Variants in GPR149 observed in about 807,000 individuals in gnomAD.
The protein encoded by GPR149 is G protein-coupled receptor 149.
Under a neutral mutation model 50.2 loss-of-function variants are expected in GPR149, and 50 were observed. The observed-to-expected ratio is 1.00, with a 90% confidence interval of 0.79 to 1.26. GPR149 has a LOEUF of 1.26. Among genes scored for constraint, GPR149 ranks in the 50% most tolerant of loss-of-function variants. GPR149 has a pLI of 0.00. For synonymous variants in GPR149, 405 were observed against 358.2 expected (o/e 1.13, Z -1.48); for missense variants, 983 against 895.4 (o/e 1.10, Z -1.25).
intron 3 of GPR149, among the ~76,000 whole-genome samples, chr3:154,356,843 T>C (rs1714241510): frequency 6.6e-6 from 1 of 152,112 alleles, no homozygotes; most frequent in African/African-American, 2.4e-5. Context: ...TTAAAGTTCA[T>C]ATGGAACCAA....
Position 154,338,221 on chromosome 3 carries a change from C to A in GPR149, c.1674G>T (p.Val558=). 1.2e-6 allele frequency: 2 copies of A among 1,611,700 alleles called. No homozygotes were observed. Among genetic ancestry groups the A allele is most frequent in the Non-Finnish European group, 1.7e-6 (2 of 1,179,062 alleles). ...TTTTCCCTGTAGGTGCATGGAGAGA[C>A]ACAGTCCCCTGGAATGCACACAAGG... The part of the protein sequence containing the change: ...AIPLCAFQGT[V]SLHAPTGKTL... The change falls in exon 4 of 4, where the codon GTG becomes GTT. Residue 558 remains valine, a synonymous_variant. Transcript: ENST00000389740.
chr3:154,351,211 C>T (rs1398018538), intron 3 of GPR149, among the ~76,000 whole-genome samples: 1 of 146,598 alleles, frequency 6.8e-6, no homozygotes, highest in Non-Finnish European at 1.5e-5. Context: ...TAGACTCACT[C>T]AAATATACCC....
chr3:154,375,093 T>C (rs1262825772), intron 3 of GPR149, among the ~76,000 whole-genome samples: 2 of 152,352 alleles, frequency 1.3e-5, no homozygotes, highest in Middle Eastern at 3.4e-3. Context: ...AGCCACTTTT[T>C]AATATCACTT....
chr3:154,403,847 C>G (rs1334661789), intron 3 of GPR149, among the ~76,000 whole-genome samples: 1 of 151,942 alleles, frequency 6.6e-6, no homozygotes, highest in Non-Finnish European at 1.5e-5. Context: ...TCCAATAGAA[C>G]TGCAAGATGG....
At chr3:154,340,087 C>T (rs927119717) in intron 3 of GPR149, among the ~76,000 whole-genome samples, 22 of 151,998 alleles carry the variant, frequency 1.4e-4, no homozygotes, top group Admixed American at 5.9e-4. Context: ...CCACCGTGCC[C>T]GGCCCACGCT....
intron 3 of GPR149, among the ~76,000 whole-genome samples, chr3:154,343,510 C>T (rs1191529676): frequency 6.6e-6 from 1 of 152,016 alleles, no homozygotes; most frequent in Non-Finnish European, 1.5e-5. Flanking sequence ...TTAGCCTCAG[C>T]GTTCATCATC....
chr3:154,369,859 C>T (rs941863945), intron 3 of GPR149, among the ~76,000 whole-genome samples: 85 of 152,164 alleles, frequency 5.6e-4, no homozygotes, highest in African/African-American at 1.9e-3. Context: ...AGCTGTAGCC[C>T]GGCAATTTGG....
intron 3 of GPR149, among the ~76,000 whole-genome samples, chr3:154,343,494 T>C (rs956699775): frequency 6.6e-5 from 10 of 152,128 alleles, no homozygotes; most frequent in African/African-American, 2.2e-4. Flanking sequence ...TGCTGGATGC[T>C]GGTAGTTAGC....
At chr3:154,408,432 T>G (rs1559987655) in intron 3 of GPR149, among the ~76,000 whole-genome samples, 1 of 152,148 alleles carries the variant, frequency 6.6e-6, no homozygotes, top group South Asian at 2.1e-4. Flanking sequence ...TGAGGCAAGT[T>G]CTCAGCCTGG....
At chr3:154,356,999 A>G (rs961421606) in intron 3 of GPR149, among the ~76,000 whole-genome samples, 1 of 152,212 alleles carries the variant, frequency 6.6e-6, no homozygotes, top group African/African-American at 2.4e-5. Context: ...GACCAATGGA[A>G]CAGAACAGAG....
chr3:154,395,219 A>C (rs982693169), intron 3 of GPR149, among the ~76,000 whole-genome samples: 2 of 151,986 alleles, frequency 1.3e-5, no homozygotes, highest in Non-Finnish European at 2.9e-5. Flanking sequence ...AGAAGAACTG[A>C]CTTATTCTTA....
At chr3:154,363,598 G>C (rs1714464473) in intron 3 of GPR149, among the ~76,000 whole-genome samples, 1 of 152,058 alleles carries the variant, frequency 6.6e-6, no homozygotes, top group Non-Finnish European at 1.5e-5. Flanking sequence ...GGCAGACAGG[G>C]ACAAGTCCCC....
chr3:154,405,863 C>A (rs1229640946), intron 3 of GPR149, among the ~76,000 whole-genome samples: 1 of 151,480 alleles, frequency 6.6e-6, no homozygotes, highest in Non-Finnish European at 1.5e-5. Context: ...CCATTTTAAA[C>A]TGGATTTCTA....
intron 3 of GPR149, among the ~76,000 whole-genome samples, chr3:154,394,199 A>G (rs1343501595): frequency 6.6e-6 from 1 of 152,114 alleles, no homozygotes; most frequent in African/African-American, 2.4e-5. Context: ...ACGATATAGT[A>G]CTGGCATAAA....
At chr3:154,365,172 T>C (rs558254685) in intron 3 of GPR149, among the ~76,000 whole-genome samples, 2 of 152,310 alleles carry the variant, frequency 1.3e-5, no homozygotes, top group Admixed American at 1.3e-4. Context: ...ACCACTTCAA[T>C]GATGAATGTT....
At position 154,428,927 on chromosome 3, in the gene GPR149, T is replaced by C. The variant is rs772667319; in HGVS notation, c.689A>G (p.Gln230Arg). The stretch of plus-strand genomic sequence containing the variant: ...AATTGAAGCTCCACGGGAAATTTCC[T>C]GGTAGTTGGAGTGGAGTCTCGGCGG... ...EEPPRLHSNY[Q>R]EISRGASIPG... is the part of the protein sequence containing the mutation. Residue 230 changes from glutamine (Q) to arginine (R), a missense_variant, in exon 1 of 4, where the codon CAG (glutamine) becomes CGG (arginine). By Grantham distance (43) the Gln-to-Arg change is conservative (BLOSUM62 1). Coordinates refer to ENST00000389740, the MANE Select transcript of GPR149 (RefSeq NM_001038705.3). 6.2e-7 allele frequency: 1 copy of C among 1,614,016 alleles called. No homozygotes were observed. Among genetic ancestry groups the C allele is most frequent in the South Asian group, 1.1e-5 (1 of 91,064 alleles).
At chr3:154,339,264 C>G (rs1713726519) in intron 3 of GPR149, among the ~76,000 whole-genome samples, 1 of 152,138 alleles carries the variant, frequency 6.6e-6, no homozygotes, top group South Asian at 2.1e-4. Flanking sequence ...CAGGGTCAAG[C>G]AATCTGTATT....
intron 3 of GPR149, among the ~76,000 whole-genome samples, chr3:154,393,541 G>A (rs955133529): frequency 6.6e-5 from 10 of 151,854 alleles, no homozygotes; most frequent in South Asian, 2.1e-4. Flanking sequence ...GCCCACTCTC[G>A]CTACTTTTAT....
chr3:154,350,314 CA>C (rs1390366504), intron 3 of GPR149, among the ~76,000 whole-genome samples: 1 of 152,076 alleles, frequency 6.6e-6, no homozygotes, highest in Non-Finnish European at 1.5e-5. Flanking sequence ...AAGGAATCGA[CA>C]AAAAATCCTC....
Sources: allele counts gnomAD v4.1 joint callset (sites outside exome capture counted in the v4.1 genomes callset), GRCh38; gene constraint gnomAD v4.1.1; transcripts MANE v1.5; gene names NCBI Gene and HGNC (gene_info 2026-07-23, HGNC 2026-07-21).